The following NOA1 variants were observed in gnomAD, a reference collection of about 807,000 sequenced individuals.
The protein encoded by NOA1 is nitric oxide associated 1.
NOA1 carries 35 observed loss-of-function variants against 58.4 expected under a neutral mutation model. The observed-to-expected ratio is 0.60, with a 90% CI of 0.46 to 0.79. NOA1 has a LOEUF of 0.79. NOA1 is among the 30% of genes least tolerant of loss of function. NOA1 has a pLI of 0.00. For synonymous variants in NOA1, 397 were observed against 373.4 expected, an observed-to-expected ratio of 1.06 and a Z score of -0.73; for missense variants, 895 against 894.6, an observed-to-expected ratio of 1.00 and a Z score of -0.01.
intron 1 of NOA1, among the ~76,000 whole-genome samples, chr4:56,975,202 T>C (rs1721881757): frequency 2.7e-5 from 4 of 149,928 alleles, no homozygotes; most frequent in Admixed American, 2.7e-4. Context: ...TTTGTATCTT[T>C]AGTAGAGACA....
In NOA1 at chr4:56,976,621, T is replaced by C; in HGVS notation, c.965A>G (p.Tyr322Cys). The C allele has an allele frequency of 1.2e-6, 2 of 1,614,236 alleles. No individual in the cohort carries two copies. Among genetic ancestry groups the C allele is most frequent in the African/African-American group, 1.3e-5 (1 of 75,072 alleles). ...DVRLISAKTG[Y>C]GVEELISALQ... ...GGCAGAGATCAACTCTTCCACTCCATAGCCGGTCTTGGCGCTGATCAGCCG... is the reference window on the plus strand; with the variant it reads ...GGCAGAGATCAACTCTTCCACTCCACAGCCGGTCTTGGCGCTGATCAGCCG... The change falls in exon 1 of 7, where the codon TAT becomes TGT. Residue 322 changes from tyrosine (Y) to cysteine (C), a missense_variant. Tyr to Cys is a radical substitution (Grantham distance 194). Around this residue, in one of 3 missense-constraint regions of NOA1, gnomAD observed 680 missense variants for 656.5 expected, o/e 1.04. Transcript: ENST00000264230.
chr4:56,963,499 G>A lies in NOA1; in HGVS notation c.2048C>T (p.Pro683Leu). 6.2e-7 allele frequency: 1 copy of A among 1,614,096 alleles called. No homozygotes were observed. The highest frequency in any genetic ancestry group is 8.5e-7 in the Non-Finnish European group (1 of 1,180,022). Residue 683 changes from proline to leucine, a missense_variant, in exon 7 of 7, where the codon CCT becomes CTT. Transcript: ENST00000264230. ...CTTCCTCACGTTGTACATAAGGGAAGGAGGCTTCTTGGTTTTATAGGCCAC... is the reference window on the plus strand; with the variant it reads ...CTTCCTCACGTTGTACATAAGGGAAAGAGGCTTCTTGGTTTTATAGGCCAC... ...KSVAYKTKKP[P>L]SLMYNVRKKK... is the part of the protein sequence containing the mutation.
At chr4:56,971,186 G>A (rs1721805149) in intron 3 of NOA1, among the ~76,000 whole-genome samples, 1 of 151,890 alleles carries the variant, frequency 6.6e-6, no homozygotes, top group African/African-American at 2.4e-5. Context: ...GGTGGTACAT[G>A]CCTCTAATAC....
chr4:56,973,985 G>C lies in NOA1; in HGVS notation c.1182C>G (p.Asn394Lys), dbSNP rs759371551. ...TTTTAAACATTCTGTAAGGAGTTGGGTTGCAAATAGGAAACTTCAGAAGGT... is the reference window on the plus strand; with the variant it reads ...TTTTAAACATTCTGTAAGGAGTTGGCTTGCAAATAGGAAACTTCAGAAGGT... ...TLNLLKFPIC[N>K]PTPYRMFKRH... Residue 394 changes from asparagine (N) to lysine (K), a missense_variant, in exon 2 of 7, where the codon AAC becomes AAG. Asn to Lys is a moderately conservative substitution (Grantham distance 94, BLOSUM62 0). Transcript: ENST00000264230. The C allele has an allele frequency of 6.2e-7, 1 of 1,613,654 alleles. No homozygotes were observed. The highest frequency in any genetic ancestry group is 8.5e-7 in the Non-Finnish European group (1 of 1,179,724).
intron 3 of NOA1, among the ~76,000 whole-genome samples, chr4:56,970,672 G>A (rs6816457): frequency 0.45 from 67,506 of 151,524 alleles, 15,261 homozygotes; most frequent in Admixed American, 0.5. Flanking sequence ...ATGTTGCCCA[G>A]GCTGGTCTCA....
In NOA1 at chr4:56,968,392, A is replaced by T; in HGVS notation, c.1639T>A (p.Phe547Ile). 6.2e-7 allele frequency: 1 copy of T among 1,608,298 alleles called. No homozygotes were observed. Among genetic ancestry groups the T allele is most frequent in the Non-Finnish European group, 8.5e-7 (1 of 1,178,938 alleles). ...GTACAGACTTTTCTTACCTGCAGGA[A>T]ATCTATGCGGCCTATAGCACCCAAA... The part of the protein sequence containing the change: ...LFLGAIGRID[F>I]LQGNQSAWFT... The change falls in exon 4 of 7, where the codon TTC becomes ATC. Residue 547 changes from phenylalanine to isoleucine, a missense_variant. Around this residue, in one of 3 missense-constraint regions of NOA1, gnomAD observed 212 missense variants for 221.3 expected, o/e 0.96. Transcript: ENST00000264230.
Position 56,973,235 on chromosome 4 carries a change from T to C in NOA1, c.1428A>G (p.Lys476=). ...CAGTCAATTCTACTTGTTTGGTGGA[T>C]TTGTGTGTACCCATAACAGGGTCAT... ...MENDPVMGTH[K]STKQVELTAQ... The change falls in exon 3 of 7, where the codon AAA becomes AAG. Residue 476 remains lysine, a synonymous_variant. Coordinates refer to ENST00000264230, the MANE Select transcript of NOA1 (RefSeq NM_032313.4). The C allele has an allele frequency of 6.2e-7, 1 of 1,614,120 alleles. No homozygotes were observed. Among genetic ancestry groups the C allele is most frequent in the Non-Finnish European group, 8.5e-7 (1 of 1,180,010 alleles).
chr4:56,976,164 T>C lies in NOA1; in HGVS notation c.1144+278A>G, dbSNP rs113981775. On this transcript the variant is annotated intron_variant, in intron 1 of 6. Transcript: ENST00000264230. The stretch of plus-strand genomic sequence containing the variant: ...AAAGCAAATCTCCAGAACAGGAACT[T>C]TGCTTTGTTCCCTGGTCTATCTCCA... Among the ~76,000 whole-genome samples, 577 of 152,302 alleles carry C rather than the reference T, an allele frequency of 3.8e-3. 9 individuals are homozygous for C. The highest frequency in any genetic ancestry group is 0.013 in the African/African-American group (541 of 41,576).
chr4:56,977,398 C>T lies in NOA1; in HGVS notation c.188G>A (p.Gly63Glu). The T allele has an allele frequency of 6.2e-7, 1 of 1,614,212 alleles. No homozygotes were observed. The highest frequency in any genetic ancestry group is 8.5e-7 in the Non-Finnish European group (1 of 1,180,020). ...ACGCTCCTGCATGTCACCACCTTCTCCAAAGCCCTCCGTGTCCACGGGGTC... is the reference window on the plus strand; with the variant it reads ...ACGCTCCTGCATGTCACCACCTTCTTCAAAGCCCTCCGTGTCCACGGGGTC... ...PYDPVDTEGFGEGGDMQERFL... is the reference protein window; with the variant it reads ...PYDPVDTEGFEEGGDMQERFL... The change falls in exon 1 of 7, where the codon GGA becomes GAA. Residue 63 changes from glycine (G) to glutamate (E), a missense_variant. Gly to Glu is a moderately conservative substitution (Grantham distance 98). Transcript: ENST00000264230.
intron 6 of NOA1, 42 bp from the exon 7 acceptor site, chr4:56,963,703 C>T: frequency 6.7e-7 from 1 of 1,499,228 alleles, no homozygotes; most frequent in Non-Finnish European, 9.3e-7. Flanking sequence ...TGTTAGCAAT[C>T]ATCTTATTAA....
chr4:56,969,521 G>A (rs763352172), intron 3 of NOA1, among the ~76,000 whole-genome samples: 3 of 152,144 alleles, frequency 2.0e-5, no homozygotes, highest in Non-Finnish European at 4.4e-5. Flanking sequence ...GTGGTGAGCC[G>A]AGATTGCACC....
At chr4:56,969,930 G>A (rs1261677695) in intron 3 of NOA1, among the ~76,000 whole-genome samples, 4 of 145,714 alleles carry the variant, frequency 2.7e-5, no homozygotes, top group African/African-American at 5.1e-5. Flanking sequence ...ACAGACGTGC[G>A]CCACCATGCT....
chr4:56,973,615 A>G (rs562538107), intron 2 of NOA1, among the ~76,000 whole-genome samples: 1 of 152,200 alleles, frequency 6.6e-6, no homozygotes, highest in South Asian at 2.1e-4. Flanking sequence ...GGCTGAAAAG[A>G]TATACCAAGG....
chr4:56,977,012 G>A lies in NOA1; in HGVS notation c.574C>T (p.Leu192=). 2 of 1,592,176 alleles carry A rather than the reference G, an allele frequency of 1.3e-6. No homozygotes were observed. Among genetic ancestry groups the A allele is most frequent in the East Asian group, 2.2e-5 (1 of 44,586 alleles). The change falls in exon 1 of 7, where the codon CTA becomes TTA. Residue 192 remains leucine, a synonymous_variant. Coordinates refer to ENST00000264230, the MANE Select transcript of NOA1 (RefSeq NM_032313.4). The part of the protein sequence containing the change: ...CWLLSHHRRA[L]RLQVSREQYL... ...TGCTCGCGGCTCACCTGCAGGCGTA[G>A]AGCGCGCCGGTGGTGCGACAGCAGC...
rs777135738 is a variant in NOA1 at position 56,976,984 on chromosome 4, T to C, written c.602A>G (p.Tyr201Cys). Residue 201 changes from tyrosine to cysteine, a missense_variant, in exon 1 of 7, where the codon TAC becomes TGC. Physicochemically the swap from Tyr to Cys is radical, Grantham distance 194 (BLOSUM62 -2). This residue lies in a region of NOA1 where 680 missense variants were observed against 656.5 expected (regional missense o/e 1.04). Coordinates refer to ENST00000264230, the MANE Select transcript of NOA1 (RefSeq NM_032313.4). Reference sequence around the variant, plus strand: ...CAACGCGGCGCTCACCAGCTCCAGGTACTGCTCGCGGCTCACCTGCAGGCG... The same window carrying C: ...CAACGCGGCGCTCACCAGCTCCAGGCACTGCTCGCGGCTCACCTGCAGGCG... ...ALRLQVSREQYLELVSAALRR... is the reference protein window; with the variant it reads ...ALRLQVSREQCLELVSAALRR... The C allele has an allele frequency of 5.6e-5, 89 of 1,596,460 alleles. No homozygotes were observed. The highest frequency in any genetic ancestry group is 7.2e-5 in the Non-Finnish European group (85 of 1,175,476).
At position 56,977,485 on chromosome 4, in the gene NOA1, C is replaced by T. The variant is rs1351210408; in HGVS notation, c.101G>A (p.Arg34Lys). 2.5e-6 allele frequency: 4 copies of T among 1,613,768 alleles called. No individual in the cohort carries two copies. In the African/African-American group the frequency reaches 5.3e-5, roughly 22 times the overall value. Residue 34 changes from arginine (R) to lysine (K), a missense_variant, in exon 1 of 7, where the codon AGG (arginine) becomes AAG (lysine). Arg to Lys is a conservative substitution (Grantham distance 26, BLOSUM62 2). Transcript: ENST00000264230. ...GAAGGAGGAGGCGGCAGCGCACCTCCTCTCCAGGAGCGGCTCCCGGAGGCC... is the reference window on the plus strand; with the variant it reads ...GAAGGAGGAGGCGGCAGCGCACCTCTTCTCCAGGAGCGGCTCCCGGAGGCC... ...RHGLREPLLE[R>K]RCAAASSFQH... is the part of the protein sequence containing the mutation.
chr4:56,972,366 A>G (rs1246889566), intron 3 of NOA1, among the ~76,000 whole-genome samples: 2 of 152,196 alleles, frequency 1.3e-5, no homozygotes, highest in African/African-American at 4.8e-5. Context: ...TGAATGCTCA[A>G]CGTTTGCTGG....
rs762146996 is a variant in NOA1, at chr4:56,976,795, A to G, written c.791T>C (p.Leu264Pro). ...ACAGTCCTCCCACAGTCGCTCCCGC[A>G]GCCTCTGCCGGTAGCCAGGAGCATC... ...PQDAPGYRQR[L>P]RERLWEDCAR... The change falls in exon 1 of 7, where the codon CTG (leucine) becomes CCG (proline). Residue 264 changes from leucine (L) to proline (P), a missense_variant. This residue lies in a region of NOA1 where 680 missense variants were observed against 656.5 expected (regional missense o/e 1.04). Coordinates refer to ENST00000264230, the MANE Select transcript of NOA1 (RefSeq NM_032313.4). 3.1e-6 allele frequency: 5 copies of G among 1,610,376 alleles called. No individual in the cohort carries two copies. The highest frequency in any genetic ancestry group is 4.2e-6 in the Non-Finnish European group (5 of 1,177,938).
Position 56,976,532 on chromosome 4 carries a change from A to G in NOA1, c.1054T>C (p.Ser352Pro), listed in dbSNP as rs778490715. 2.5e-6 allele frequency: 4 copies of G among 1,614,158 alleles called. No individual in the cohort carries two copies. The highest frequency in any genetic ancestry group is 2.2e-5 in the South Asian group (2 of 91,080). The stretch of plus-strand genomic sequence containing the variant: ...TCCAGGAGCGTGTTAAAGAGAGTGG[A>G]TTTGCCGGCGTTGGTGGCGCCCACT... ...YLVGATNAGK[S>P]TLFNTLLESD... The change falls in exon 1 of 7, where the codon TCC becomes CCC. Residue 352 changes from serine (S) to proline (P), a missense_variant. Ser to Pro is a moderately conservative substitution (Grantham distance 74). This residue lies in a region of NOA1 where 680 missense variants were observed against 656.5 expected (regional missense o/e 1.04). Transcript: ENST00000264230.
Sources: allele counts gnomAD v4.1 joint callset (sites outside exome capture counted in the v4.1 genomes callset), GRCh38; gene constraint gnomAD v4.1.1; regional missense constraint gnomAD v4.1.1; transcripts MANE v1.5; gene names NCBI Gene and HGNC (gene_info 2026-07-23, HGNC 2026-07-21).